ALX4: variants seen among roughly 807,000 people sequenced by gnomAD.
The protein encoded by ALX4 is ALX homeobox 4, also known as homeobox protein aristaless-like 4.
A neutral mutation model predicts 40.6 loss-of-function variants in ALX4; 22 were observed. The ratio of observed to expected loss-of-function variants is 0.54; its 90% CI spans 0.39 to 0.77. The LOEUF (loss-of-function observed/expected upper bound fraction) is 0.77. Ranked by LOEUF, ALX4 falls within the 30% of genes least tolerant of loss-of-function variation. The probability of loss-of-function intolerance (pLI) is 0.00; values close to 1 mark genes in which losing one functional copy is unlikely to be tolerated. For synonymous variants in ALX4, 266 were observed against 240.5 expected, an observed-to-expected ratio of 1.11 and a Z score of -0.98; for missense variants, 556 against 564.8, an observed-to-expected ratio of 0.98 and a Z score of 0.16.
At chr11:44,302,616 A>C (rs1956440983) in intron 1 of ALX4, among the ~76,000 whole-genome samples, 1 of 152,198 alleles carries the variant, frequency 6.6e-6, no homozygotes, top group South Asian at 2.1e-4. Context: ...GAGTGGACAC[A>C]GGGGCCATGA....
chr11:44,290,302 A>G (rs1251675642), intron 1 of ALX4, among the ~76,000 whole-genome samples: 1 of 152,234 alleles, frequency 6.6e-6, no homozygotes, highest in East Asian at 1.9e-4. Flanking sequence ...AGGCAAAATG[A>G]AATGATTGAG....
chr11:44,270,853 C>T (rs546385943), intron 2 of ALX4, among the ~76,000 whole-genome samples: 15 of 152,366 alleles, frequency 9.8e-5, no homozygotes, highest in Admixed American at 1.3e-4. Context: ...GCGGAGGCCT[C>T]GCTAACCGCA....
chr11:44,267,466 G>C (rs202170828), intron 3 of ALX4, 28 bp downstream of exon 3: 2 of 1,612,096 alleles, frequency 1.2e-6, no homozygotes, highest in Non-Finnish European at 1.7e-6. Context: ...GCTGGGGATC[G>C]GTGGCGGCAG....
intron 1 of ALX4, among the ~76,000 whole-genome samples, chr11:44,308,022 C>G (rs1388883922): frequency 6.6e-6 from 1 of 152,086 alleles, no homozygotes; most frequent in African/African-American, 2.4e-5. Flanking sequence ...AATGCCTGAT[C>G]TCATTCCAAC....
At position 44,267,513 on chromosome 11, in the gene ALX4, C is replaced by G; in HGVS notation, c.887G>C (p.Arg296Pro). Reference protein sequence around the residue: ...STAYELPLLTRAENYAQIQNP... With the variant: ...STAYELPLLTPAENYAQIQNP... ...ACTTACCTGGGCGTAGTTCTCAGCT[C>G]GGGTGAGGAGGGGCAGCTCATATGC... The change falls in exon 3 of 4, where the codon CGA (arginine) becomes CCA (proline). Residue 296 changes from arginine to proline, a missense_variant. Physicochemically the swap from Arg to Pro is moderately radical, Grantham distance 103. Coordinates refer to ENST00000652299, the MANE Select transcript of ALX4 (RefSeq NM_021926.4). 1 of 1,614,086 alleles carries G rather than the reference C, an allele frequency of 6.2e-7. No homozygotes were observed. The highest frequency in any genetic ancestry group is 8.5e-7 in the Non-Finnish European group (1 of 1,179,988).
chr11:44,268,782 T>C (rs1435686777), intron 2 of ALX4, among the ~76,000 whole-genome samples: 2 of 152,176 alleles, frequency 1.3e-5, no homozygotes, highest in Admixed American at 6.5e-5. Flanking sequence ...GATTCAGAGA[T>C]GGACCGTGGT....
intron 2 of ALX4, among the ~76,000 whole-genome samples, chr11:44,270,417 G>A (rs996353616): frequency 5.9e-5 from 9 of 152,130 alleles, no homozygotes; most frequent in African/African-American, 1.4e-4. Flanking sequence ...CTTTGTCCTG[G>A]GGCCTTACCC....
intron 1 of ALX4, among the ~76,000 whole-genome samples, chr11:44,281,079 G>A (rs372929960): frequency 2.4e-4 from 36 of 152,144 alleles, no homozygotes; most frequent in African/African-American, 8.4e-4. Context: ...AAACCCTTGA[G>A]AGGTTTCCAA....
At chr11:44,305,362 G>A (rs1956460167) in intron 1 of ALX4, among the ~76,000 whole-genome samples, 1 of 152,192 alleles carries the variant, frequency 6.6e-6, no homozygotes, top group African/African-American at 2.4e-5. Flanking sequence ...AGCAGGCTAT[G>A]GAAATTAACA....
chr11:44,282,891 G>A (rs1956317481), intron 1 of ALX4, among the ~76,000 whole-genome samples: 1 of 152,180 alleles, frequency 6.6e-6, no homozygotes, highest in Non-Finnish European at 1.5e-5. Flanking sequence ...TCCTGACTGT[G>A]GCAGTGAATA....
chr11:44,270,184 C>T (rs78064200), intron 2 of ALX4, among the ~76,000 whole-genome samples: 13,968 of 151,784 alleles, frequency 0.092, 690 homozygotes, highest in Non-Finnish European at 0.1. Context: ...GGCGCGGGCT[C>T]GCTGGAGCTG....
intron 1 of ALX4, among the ~76,000 whole-genome samples, chr11:44,286,976 G>C (rs1956342085): frequency 6.6e-6 from 1 of 152,204 alleles, no homozygotes; most frequent in South Asian, 2.1e-4. Context: ...GGGTGCTCAG[G>C]AAACTGACTA....
intron 1 of ALX4, among the ~76,000 whole-genome samples, chr11:44,299,383 A>C (rs1956422335): frequency 8.9e-6 from 1 of 112,892 alleles, no homozygotes; most frequent in Admixed American, 1.2e-4. Context: ...TTTTTGTGAG[A>C]TGGATCTTGC....
At chr11:44,280,130 A>C (rs563105710) in intron 1 of ALX4, among the ~76,000 whole-genome samples, 21 of 152,210 alleles carry the variant, frequency 1.4e-4, no homozygotes, top group Non-Finnish European at 1.8e-4. Context: ...GAATGCCACC[A>C]TTCAAGGCTG....
chr11:44,290,840 T>A (rs1956364713), intron 1 of ALX4, among the ~76,000 whole-genome samples: 1 of 152,114 alleles, frequency 6.6e-6, no homozygotes, highest in African/African-American at 2.4e-5. Flanking sequence ...GGCTGTGAGG[T>A]CTGACTGAAG....
intron 1 of ALX4, among the ~76,000 whole-genome samples, chr11:44,303,396 G>C (rs534529484): frequency 6.6e-6 from 1 of 152,126 alleles, no homozygotes; most frequent in Admixed American, 6.5e-5. Flanking sequence ...GGAAAGATAG[G>C]TACTTGGCAG....
intron 2 of ALX4, among the ~76,000 whole-genome samples, chr11:44,270,798 A>G (rs781165317): frequency 2.0e-5 from 3 of 152,222 alleles, no homozygotes; most frequent in Non-Finnish European, 4.4e-5. Flanking sequence ...CACTCAGCAC[A>G]GGCCTCTCCC....
At chr11:44,297,887 C>T (rs1187920666) in intron 1 of ALX4, among the ~76,000 whole-genome samples, 3 of 152,144 alleles carry the variant, frequency 2.0e-5, no homozygotes, top group Admixed American at 6.5e-5. Context: ...GTCTAGAGGG[C>T]CTCTTTCATC....
intron 1 of ALX4, among the ~76,000 whole-genome samples, chr11:44,301,528 C>G (rs544235932): frequency 1.3e-5 from 2 of 152,222 alleles, no homozygotes; most frequent in Admixed American, 6.5e-5. Flanking sequence ...TCCTGCTGTC[C>G]TCTAATGCCC....
Sources: allele counts gnomAD v4.1 joint callset (sites outside exome capture counted in the v4.1 genomes callset), GRCh38; gene constraint gnomAD v4.1.1; transcripts MANE v1.5; gene names NCBI Gene and HGNC (gene_info 2026-07-23, HGNC 2026-07-21).